The following ECSCR variants were observed in gnomAD, a reference collection of about 807,000 sequenced individuals.
ECSCR encodes endothelial cell surface expressed chemotaxis and apoptosis regulator.
A neutral mutation model predicts 16.7 loss-of-function variants in ECSCR; 12 were observed. The observed-to-expected ratio is 0.72, with a 90% CI of 0.46 to 1.17. ECSCR has a LOEUF of 1.17. Among genes scored for constraint, ECSCR ranks in the 50% most tolerant of loss-of-function variants. The probability of loss-of-function intolerance (pLI) is 0.00; values close to 1 mark genes in which losing one functional copy is unlikely to be tolerated. For missense variants in ECSCR, 122 were observed against 116.1 expected (o/e 1.05, Z -0.23); for synonymous variants, 44 against 42.2 (o/e 1.04, Z -0.17).
intron 1 of ECSCR, 123 bp from the exon 2 acceptor site, chr5:139,458,306 A>G (rs1165263023): frequency 1.1e-6 from 1 of 936,504 alleles, no homozygotes; most frequent in Non-Finnish European, 1.6e-6. Context: ...GTCTCTAAAA[A>G]AAAATTTTGT....
chr5:139,455,907 A>C (rs2152089246), intron 5 of ECSCR, among the ~76,000 whole-genome samples: 1 of 148,812 alleles, frequency 6.7e-6, no homozygotes, highest in African/African-American at 2.5e-5. Context: ...GCAGATCATG[A>C]GGTCAGGAGT....
In ECSCR at chr5:139,449,174, G is replaced by T. The variant is rs1166641460; in HGVS notation, c.513C>A (p.Ser171Arg). The change falls in exon 9 of 10, where the codon AGC becomes AGA. Residue 171 changes from serine to arginine, a missense_variant and splice_region_variant. By Grantham distance (110) the Ser-to-Arg change is moderately radical. Coordinates refer to ENST00000618155, the MANE Select transcript of ECSCR (RefSeq NM_001077693.4). ...CTTTCTCTCCATTGGCTGTGGAGCA[G>T]CTGGGGGAGGAAGGGGGTCTGGGTT... is the stretch of plus-strand genomic sequence containing the variant. ...QKPGSSGLSE[S>R]CSTANGEKDS... The T allele has an allele frequency of 3.9e-6, 6 of 1,536,716 alleles. No homozygotes were observed. The highest frequency in any genetic ancestry group is 5.2e-6 in the Non-Finnish European group (6 of 1,146,430).
intron 8 of ECSCR, among the ~76,000 whole-genome samples, chr5:139,450,192 C>T (rs1751008828): frequency 6.6e-6 from 1 of 152,164 alleles, no homozygotes; most frequent in African/African-American, 2.4e-5. Flanking sequence ...CGCGCCTGGC[C>T]TAAAGCCTCA....
intron 8 of ECSCR, among the ~76,000 whole-genome samples, chr5:139,452,123 G>C (rs1751065511): frequency 6.8e-6 from 1 of 147,736 alleles, no homozygotes; most frequent in Non-Finnish European, 1.5e-5. Context: ...TGTGTGTATA[G>C]TATGGGGTGT....
rs1183499028 is a variant in ECSCR at position 139,454,848 on chromosome 5, C to T, written c.452G>A (p.Cys151Tyr). The T allele has an allele frequency of 1.0e-5, 4 of 398,556 alleles. No homozygotes were observed. Among genetic ancestry groups the T allele is most frequent in the Non-Finnish European group, 4.4e-6 (1 of 226,272 alleles). 24.7% of individuals were successfully genotyped at this position (398,556 alleles called of 1,614,324 possible). The change falls in exon 7 of 10, where the codon TGT (cysteine) becomes TAT (tyrosine). Residue 151 changes from cysteine (C) to tyrosine (Y), a missense_variant. Physicochemically the swap from Cys to Tyr is radical, Grantham distance 194 (BLOSUM62 -2). Transcript: ENST00000618155. The stretch of plus-strand genomic sequence containing the variant: ...ACCTTCAGACTCCTTGCTCTTCCGA[C>T]ACTTGAACCTCAGGCTGACCACACC... Reference protein sequence around the residue: ...LVGVVSLRFKCRKSKESEDPQ... With the variant: ...LVGVVSLRFKYRKSKESEDPQ...
intron 5 of ECSCR, among the ~76,000 whole-genome samples, chr5:139,455,814 TAAAAAAAAAAAAAA>T (rs1187505493): frequency 0.055 from 2,695 of 49,130 alleles, 122 homozygotes; most frequent in African/African-American, 0.2. Flanking sequence ...CCATCTCTCC[TAAAAAAAAAAAAAA>T]AAAAAAAAAA....
chr5:139,450,776 A>C (rs1751023636), intron 8 of ECSCR, among the ~76,000 whole-genome samples: 1 of 143,068 alleles, frequency 7.0e-6, no homozygotes, highest in South Asian at 2.2e-4. Flanking sequence ...ACTCCATGTC[A>C]AAAAAAAAAA....
At chr5:139,457,143 T>C (rs1294073341) in intron 4 of ECSCR, among the ~76,000 whole-genome samples, 1 of 152,222 alleles carries the variant, frequency 6.6e-6, no homozygotes, top group Non-Finnish European at 1.5e-5. Flanking sequence ...TCTTTCCTGC[T>C]TTCAGTTCTA....
chr5:139,455,396 G>A lies in ECSCR; in HGVS notation c.303C>T (p.Ser101=). The A allele has an allele frequency of 2.5e-6, 1 of 398,720 alleles. No homozygotes were observed. Among genetic ancestry groups the A allele is most frequent in the Non-Finnish European group, 4.4e-6 (1 of 226,148 alleles). The allele number at this position is 398,720 out of a possible 1,614,324, so 24.7% of individuals were successfully genotyped here. A position where few individuals can be genotyped will look rare whatever the true frequency, so the allele number is the denominator to read the frequency against. The change falls in exon 6 of 10, where the codon AGC becomes AGT. Residue 101 remains serine, a synonymous_variant. Coordinates refer to ENST00000618155, the MANE Select transcript of ECSCR (RefSeq NM_001077693.4). ...QTVPPNSTTM[S]LSMREDATIL... Reference sequence around the variant, plus strand: ...TGGTCGCATCTTCCCTCATGCTCAGGCTCATGGTGGTTGAATTGGGGGGAA... The same window carrying A: ...TGGTCGCATCTTCCCTCATGCTCAGACTCATGGTGGTTGAATTGGGGGGAA...
intron 8 of ECSCR, among the ~76,000 whole-genome samples, chr5:139,452,483 A>T (rs1322561389): frequency 1.8e-4 from 2 of 11,008 alleles, no homozygotes; most frequent in East Asian, 1.7e-3. Context: ...TGGGGTGTGG[A>T]GTGTGTGGTG....
intron 1 of ECSCR, among the ~76,000 whole-genome samples, chr5:139,458,526 A>G (rs1247790821): frequency 6.9e-6 from 1 of 144,018 alleles, no homozygotes; most frequent in African/African-American, 2.6e-5. Context: ...AAAAAAAAAA[A>G]AAAAAAAGAA....
chr5:139,449,772 A>AGTGCTGTG (rs1323860497), intron 8 of ECSCR, among the ~76,000 whole-genome samples: 1 of 152,152 alleles, frequency 6.6e-6, no homozygotes, highest in Non-Finnish European at 1.5e-5. Flanking sequence ...CCCAGACTGG[A>AGTGCTGTG]GTGCTGTGGC....
rs1003229792 is a variant in ECSCR at position 139,455,371 on chromosome 5, T to G, written c.328A>C (p.Ile110Leu). Residue 110 changes from isoleucine (I) to leucine (L), a missense_variant, in exon 6 of 10, where the codon ATC becomes CTC. Transcript: ENST00000618155. ...GTCTCTGACGTGGGGCTGGGCAGGA[T>G]GGTCGCATCTTCCCTCATGCTCAGG... ...MSLSMREDAT[I>L]LPSPTSETVL... 6.8e-5 allele frequency: 27 copies of G among 398,712 alleles called. No individual in the cohort carries two copies. The highest frequency in any genetic ancestry group is 4.9e-4 in the African/African-American group (24 of 48,740). 24.7% of individuals were successfully genotyped at this position (398,712 alleles called of 1,614,324 possible).
chr5:139,455,749 G>T (rs1751142856), intron 5 of ECSCR, among the ~76,000 whole-genome samples: 1 of 150,500 alleles, frequency 6.6e-6, no homozygotes, highest in Non-Finnish European at 1.5e-5. Flanking sequence ...GGCCAAGATG[G>T]GTGGATCACT....
chr5:139,454,064 G>T (rs982691147), intron 8 of ECSCR, among the ~76,000 whole-genome samples: 3 of 144,316 alleles, frequency 2.1e-5, no homozygotes, highest in Non-Finnish European at 3.0e-5. Flanking sequence ...GTGTGTAGTG[G>T]GGTGTGTGGT....
intron 5 of ECSCR, among the ~76,000 whole-genome samples, chr5:139,456,211 C>T (rs988578284): frequency 0.015 from 2,321 of 152,222 alleles, 66 homozygotes; most frequent in African/African-American, 0.046. Flanking sequence ...TGCAGAGAGC[C>T]GGGATCGCAC....
intron 8 of ECSCR, among the ~76,000 whole-genome samples, chr5:139,452,170 T>C (rs1751067982): frequency 7.0e-6 from 1 of 143,026 alleles, no homozygotes; most frequent in African/African-American, 2.6e-5. Flanking sequence ...GTGTGTGTAG[T>C]ATATGGGTAT....
In ECSCR at chr5:139,450,457, C is replaced by A. The variant is rs182561289; in HGVS notation, c.513-1283G>T. Among the ~76,000 whole-genome samples, 240 of 143,880 alleles carry A rather than the reference C, an allele frequency of 1.7e-3. No homozygotes were observed. In the Middle Eastern group the frequency reaches 0.026, roughly 15 times the overall value. The allele number at this position is 143,880 out of a possible 152,430, so 94.4% of individuals were successfully genotyped here. ...TGGCATCACTGCACTCCAGCCTGGG[C>A]AACAGAGCAAGCCTGTCCCTTAAAA... On this transcript the variant is annotated intron_variant, in intron 8 of 9. Coordinates refer to ENST00000618155, the MANE Select transcript of ECSCR (RefSeq NM_001077693.4).
chr5:139,452,088 G>A (rs1247683460), intron 8 of ECSCR, among the ~76,000 whole-genome samples: 2 of 149,846 alleles, frequency 1.3e-5, no homozygotes, highest in African/African-American at 4.9e-5. Flanking sequence ...TGGGATGTGT[G>A]TGGTATGTGG....
Sources: gnomAD v4.1 joint callset for allele counts (sites outside exome capture counted in the v4.1 genomes callset) on GRCh38, gnomAD v4.1.1 for gene constraint, MANE v1.5 for transcripts, NCBI Gene and HGNC (gene_info 2026-07-23, HGNC 2026-07-21) for gene names.